Variants in PCGF5 observed in about 807,000 individuals in gnomAD.
PCGF5 encodes polycomb group ring finger 5.
A neutral mutation model predicts 44.3 loss-of-function variants in PCGF5; 9 were observed. The ratio of observed to expected loss-of-function variants is 0.20; its 90% CI spans 0.12 to 0.35. The LOEUF (loss-of-function observed/expected upper bound fraction) is 0.35. PCGF5 is among the 10% of genes least tolerant of loss of function. PCGF5 has a pLI of 1.00. For missense variants in PCGF5, 146 were observed against 305.3 expected (o/e 0.48, Z 3.89); for synonymous variants, 95 against 102.5 (o/e 0.93, Z 0.44).
intron 2 of PCGF5, among the ~76,000 whole-genome samples, chr10:91,232,665 C>T (rs774312018): frequency 2.0e-5 from 3 of 152,124 alleles, no homozygotes; most frequent in African/African-American, 4.8e-5. Flanking sequence ...ACATGAAGTT[C>T]TGGAAATAGG....
chr10:91,252,387 T>C (rs1038778041), intron 6 of PCGF5, among the ~76,000 whole-genome samples: 1 of 152,022 alleles, frequency 6.6e-6, no homozygotes, highest in Admixed American at 6.6e-5. Context: ...CAGATTAAGT[T>C]TTCCTGGCAT....
At chr10:91,223,940 C>CT (rs1007520811) in intron 2 of PCGF5, among the ~76,000 whole-genome samples, 3 of 151,124 alleles carry the variant, frequency 2.0e-5, no homozygotes, top group African/African-American at 4.9e-5. Flanking sequence ...TACCATGGTA[C>CT]TTTTTTTTTA....
chr10:91,274,115 A>ATG (rs1846250480), intron 9 of PCGF5, among the ~76,000 whole-genome samples: 1 of 145,446 alleles, frequency 6.9e-6, no homozygotes, highest in African/African-American at 2.8e-5. Context: ...CAATCTGTGT[A>ATG]TGTATATATA....
rs539428379 is a variant in PCGF5 at position 91,198,710 on chromosome 10, A to T, written c.-183-23979A>T. Among the ~76,000 whole-genome samples the T allele has an allele frequency of 5.2e-3, 793 of 152,348 alleles. 7 individuals carry two copies. The highest frequency in any genetic ancestry group is 0.018 in the African/African-American group (742 of 41,582). On this transcript the variant is annotated intron_variant, in intron 1 of 9. Coordinates refer to the PCGF5 transcript ENST00000614189. ...TCCCTGGCCTATTCAGTAGCATTGA[A>T]TCAATCCTGAGTTTAATTAGCAGCA...
chr10:91,275,696 G>T (rs1846296538), intron 9 of PCGF5, among the ~76,000 whole-genome samples: 1 of 147,936 alleles, frequency 6.8e-6, no homozygotes, highest in South Asian at 2.1e-4. Context: ...CTCGTGATCT[G>T]CCCGCCTCGG....
chr10:91,275,125 A>C (rs1846274581), intron 9 of PCGF5, among the ~76,000 whole-genome samples: 1 of 152,210 alleles, frequency 6.6e-6, no homozygotes, highest in South Asian at 2.1e-4. Flanking sequence ...ATATATTTGC[A>C]ATGTATGATA....
chr10:91,156,699 T>G, the PCGF5 span, among the ~76,000 whole-genome samples: 19 of 152,226 alleles, frequency 1.2e-4, no homozygotes, highest in African/African-American at 3.6e-4. Context: ...GATTACAAGG[T>G]CCAGGCAGTG....
At chr10:91,240,439 G>A (rs1393673939) in intron 2 of PCGF5, 45 bp from the exon 3 acceptor site, 1 of 1,243,962 alleles carries the variant, frequency 8.0e-7, no homozygotes, top group Non-Finnish European at 1.2e-6. Flanking sequence ...CATTAAATGA[G>A]CGTTCATATG....
At chr10:91,223,081 T>A in intron 2 of PCGF5, 98 bp downstream of exon 2, 1 of 763,070 alleles carries the variant, frequency 1.3e-6, no homozygotes, top group East Asian at 2.7e-5. Flanking sequence ...GTTGTAACTT[T>A]TAAGAAATGA....
intron 1 of PCGF5, among the ~76,000 whole-genome samples, chr10:91,172,631 T>A (rs1843630356): frequency 6.6e-6 from 1 of 152,220 alleles, no homozygotes; most frequent in African/African-American, 2.4e-5. Context: ...ACTTCCTCAA[T>A]GGCAAAAAGG....
intron 8 of PCGF5, among the ~76,000 whole-genome samples, chr10:91,264,795 AT>A (rs991080952): frequency 3.9e-5 from 6 of 152,176 alleles, no homozygotes; most frequent in African/African-American, 1.4e-4. Flanking sequence ...AAAATGACAT[AT>A]TTTTTAAACC....
chr10:91,189,344 G>A (rs2133209078), intron 1 of PCGF5, among the ~76,000 whole-genome samples: 1 of 152,272 alleles, frequency 6.6e-6, no homozygotes, highest in South Asian at 2.1e-4. Flanking sequence ...ACTAGACAGT[G>A]CACTCAGCAA....
rs1460864546 is a variant in PCGF5, at chr10:91,222,866, C to G, written c.-6C>G. 1 of 1,577,398 alleles carries G rather than the reference C, an allele frequency of 6.3e-7. No individual in the cohort carries two copies. Among genetic ancestry groups the G allele is most frequent in the Non-Finnish European group, 8.7e-7 (1 of 1,146,880 alleles). On this transcript the variant is annotated 5_prime_UTR_variant, in exon 2 of 10. Coordinates refer to ENST00000336126, the MANE Select transcript of PCGF5 (RefSeq NM_032373.5). ...GACTACTAAAGCCAGTCTTCACTAG[C>G]CACGAATGGCTACCCAAAGGAAACA...
chr10:91,193,532 C>T (rs1034742624), intron 1 of PCGF5, among the ~76,000 whole-genome samples: 4 of 150,420 alleles, frequency 2.7e-5, no homozygotes, highest in Non-Finnish European at 5.9e-5. Flanking sequence ...GGTACACCTG[C>T]GTGTTTGAGG....
intron 1 of PCGF5, among the ~76,000 whole-genome samples, chr10:91,208,700 A>G (rs1844393720): frequency 6.6e-6 from 1 of 152,182 alleles, no homozygotes; most frequent in Non-Finnish European, 1.5e-5. Context: ...GAGTCCCAGA[A>G]ATCATGATAA....
intron 1 of PCGF5, among the ~76,000 whole-genome samples, chr10:91,202,722 A>G (rs1024246922): frequency 2.6e-5 from 4 of 152,230 alleles, no homozygotes; most frequent in Non-Finnish European, 5.9e-5. Flanking sequence ...TTAAATAGTA[A>G]GTTATTTTCA....
upstream of PCGF5, among the ~76,000 whole-genome samples, chr10:91,216,436 G>T (rs988040795): frequency 6.6e-6 from 1 of 152,144 alleles, no homozygotes; most frequent in Non-Finnish European, 1.5e-5. Context: ...AAGTGGGGGT[G>T]GGGAGGCTGT....
At chr10:91,242,439 C>CA (rs1243062563) in intron 3 of PCGF5, among the ~76,000 whole-genome samples, 1 of 151,864 alleles carries the variant, frequency 6.6e-6, no homozygotes, top group East Asian at 1.9e-4. Flanking sequence ...TTAATAAAAA[C>CA]AGACAGTTAA....
In PCGF5 at chr10:91,251,449, A is replaced by G; in HGVS notation, c.474+9A>G. On this transcript the variant is annotated intron_variant, in intron 6 of 9. Coordinates refer to ENST00000336126, the MANE Select transcript of PCGF5 (RefSeq NM_032373.5). ...GGGACAATGTAGTAAAGGTGAGTGA[A>G]CAAGTACTATGGTATTTTTATGATC... 6.2e-7 allele frequency: 1 copy of G among 1,608,464 alleles called. No individual in the cohort carries two copies. Among genetic ancestry groups the G allele is most frequent in the South Asian group, 1.1e-5 (1 of 90,668 alleles).
Sources: allele counts gnomAD v4.1 joint callset (sites outside exome capture counted in the v4.1 genomes callset), GRCh38; gene constraint gnomAD v4.1.1; transcripts MANE v1.5; gene names NCBI Gene and HGNC (gene_info 2026-07-23, HGNC 2026-07-21).